MECR: variants seen among roughly 807,000 people sequenced by gnomAD.
MECR encodes the protein enoyl-[acyl-carrier-protein] reductase, mitochondrial.
In MECR, 37 loss-of-function variants were observed where a neutral mutation model predicts 49.1. The observed-to-expected ratio is 0.75, with a 90% CI of 0.58 to 0.99. The LOEUF (loss-of-function observed/expected upper bound fraction) is 0.99, where lower values mean the gene tolerates loss of function less well. MECR is among the 50% of genes least tolerant of loss of function. MECR has a pLI of 0.00. For synonymous variants in MECR, 198 were observed against 191.1 expected, an observed-to-expected ratio of 1.04 and a Z score of -0.30; for missense variants, 470 against 479.6, an observed-to-expected ratio of 0.98 and a Z score of 0.19.
intron 1 of MECR, among the ~76,000 whole-genome samples, chr1:29,222,062 G>A (rs1401152339): frequency 1.3e-5 from 2 of 152,136 alleles, no homozygotes; most frequent in African/African-American, 4.8e-5. Context: ...TACGCTGTGT[G>A]TGCTGAATTT....
At chr1:29,176,174 C>T in the MECR span, among the ~76,000 whole-genome samples, 1 of 152,074 alleles carries the variant, frequency 6.6e-6, no homozygotes, top group Non-Finnish European at 1.5e-5. Flanking sequence ...ATTGCTTGAA[C>T]CCAAAAGGCG....
At chr1:29,208,479 T>C (rs1027501633) in intron 3 of MECR, among the ~76,000 whole-genome samples, 1 of 152,124 alleles carries the variant, frequency 6.6e-6, no homozygotes, top group African/African-American at 2.4e-5. Flanking sequence ...AGAAATCAAA[T>C]GAGATAAGGA....
At chr1:29,174,676 T>C in the MECR span, among the ~76,000 whole-genome samples, 2 of 98,032 alleles carry the variant, frequency 2.0e-5, no homozygotes, top group Non-Finnish European at 2.0e-5. Context: ...AGGAGATAGG[T>C]TTTTTTTTTT....
the MECR span, among the ~76,000 whole-genome samples, chr1:29,181,436 G>A: frequency 6.6e-6 from 1 of 152,128 alleles, no homozygotes. Flanking sequence ...CCTCAGCACA[G>A]CTCCCATTAT....
chr1:29,176,699 A>G, the MECR span, among the ~76,000 whole-genome samples: 5 of 152,236 alleles, frequency 3.3e-5, no homozygotes, highest in South Asian at 2.1e-4. Context: ...CATACACAAC[A>G]ACGACCTGCC....
rs1675474762 is a variant in MECR at position 29,202,132 on chromosome 1, C to A, written c.654-87G>T. 16 of 1,155,072 alleles carry A rather than the reference C, an allele frequency of 1.4e-5. No homozygotes were observed. In the South Asian group the frequency reaches 1.8e-4, roughly 13 times the overall value. 71.6% of individuals were successfully genotyped at this position (1,155,072 alleles called of 1,614,324 possible). On this transcript the variant is annotated intron_variant, in intron 5 of 9. Coordinates refer to ENST00000263702, the MANE Select transcript of MECR (RefSeq NM_016011.5). ...GACCTCTCTGCCACAGCTGGGAGAA[C>A]CCGTGCTTCTTTTTGCAGGAAGCTG...
intron 3 of MECR, among the ~76,000 whole-genome samples, chr1:29,210,782 C>T (rs1466525199): frequency 1.3e-5 from 2 of 152,200 alleles, no homozygotes; most frequent in African/African-American, 4.8e-5. Context: ...TGAATGATCA[C>T]TTCACCTTTT....
chr1:29,178,623 T>C, the MECR span, among the ~76,000 whole-genome samples: 7 of 152,182 alleles, frequency 4.6e-5, no homozygotes, highest in Non-Finnish European at 8.8e-5. Flanking sequence ...CCCAAAGTGC[T>C]GGGATTACAG....
chr1:29,206,651 TCA>T (rs1220102610), intron 4 of MECR, 109 bp downstream of exon 4: 27 of 1,262,326 alleles, frequency 2.1e-5, no homozygotes, highest in Non-Finnish European at 2.9e-5. Flanking sequence ...GAGAGGTCCA[TCA>T]CCCCCTCAAA....
chr1:29,200,393 C>T (rs1046234580), intron 7 of MECR, 123 bp downstream of exon 7: 54 of 838,188 alleles, frequency 6.4e-5, no homozygotes, highest in Non-Finnish European at 9.8e-5. Context: ...CTAGTTTCCA[C>T]TCAACATTGT....
chr1:29,221,191 AC>A (rs1273428817), intron 1 of MECR: 4 of 152,134 alleles, frequency 2.6e-5, no homozygotes, highest in Non-Finnish European at 5.9e-5. Flanking sequence ...AGCCTGGGCA[AC>A]AGGAGACCCT....
At position 29,196,002 on chromosome 1, in the gene MECR, A is replaced by G. The variant is rs1673876928; in HGVS notation, c.903T>C (p.Ile301=). The change falls in exon 9 of 10, where the codon ATT becomes ATC. Residue 301 remains isoleucine (I), a synonymous_variant. Coordinates refer to ENST00000263702, the MANE Select transcript of MECR (RefSeq NM_016011.5). ...QPVVASVSLL[I]FKDLKLRGFW... The stretch of plus-strand genomic sequence containing the variant: ...AGCCTCGAAGTTTGAGATCCTTAAA[A>G]ATGAGCAGGCTCTGCAGACACAGGA... 1 of 1,614,130 alleles carries G rather than the reference A, an allele frequency of 6.2e-7. No individual in the cohort carries two copies. The highest frequency in any genetic ancestry group is 1.3e-5 in the African/African-American group (1 of 74,940).
chr1:29,177,844 T>C, the MECR span, among the ~76,000 whole-genome samples: 6 of 152,144 alleles, frequency 3.9e-5, no homozygotes, highest in Non-Finnish European at 5.9e-5. Flanking sequence ...TAAATCTCCT[T>C]TGAAGAACTC....
the MECR span, among the ~76,000 whole-genome samples, chr1:29,177,627 G>A: frequency 3.3e-5 from 5 of 152,006 alleles, no homozygotes; most frequent in African/African-American, 1.2e-4. Context: ...AAAAGTAGGA[G>A]ACCTTAATGG....
chr1:29,196,792 C>G (rs919289410), intron 7 of MECR, among the ~76,000 whole-genome samples: 1 of 151,960 alleles, frequency 6.6e-6, no homozygotes, highest in Non-Finnish European at 1.5e-5. Flanking sequence ...TTGCCTGAGC[C>G]CAGGAGTTTG....
At chr1:29,188,035 T>G (rs1574210072), downstream of MECR, among the ~76,000 whole-genome samples, 2 of 10,098 alleles carry the variant, frequency 2.0e-4, no homozygotes, top group African/African-American at 3.0e-4. Context: ...AGACTCTGTC[T>G]CAAAAAAAAA....
chr1:29,208,110 A>C (rs973630112), intron 3 of MECR, among the ~76,000 whole-genome samples: 10 of 152,000 alleles, frequency 6.6e-5, no homozygotes, highest in Admixed American at 5.2e-4. Context: ...CACCTGCCTC[A>C]GCCTCCCGAA....
intron 4 of MECR, among the ~76,000 whole-genome samples, chr1:29,206,430 A>G (rs1676583841): frequency 6.6e-6 from 1 of 152,214 alleles, no homozygotes; most frequent in African/African-American, 2.4e-5. Context: ...TATTGAAAAC[A>G]TAGGGACTGT....
intron 3 of MECR, 78 bp from the exon 4 acceptor site, chr1:29,206,983 A>G (rs1676758527): frequency 6.5e-7 from 1 of 1,532,430 alleles, no homozygotes; most frequent in East Asian, 2.3e-5. Context: ...TCCTTGGCCA[A>G]GAAGCATCCA....
Sources: gnomAD v4.1 joint callset for allele counts (sites outside exome capture counted in the v4.1 genomes callset) on GRCh38, gnomAD v4.1.1 for gene constraint, MANE v1.5 for transcripts, NCBI Gene and HGNC (gene_info 2026-07-23, HGNC 2026-07-21) for gene names.